The following EIF4A2 variants were observed in gnomAD, a reference collection of about 807,000 sequenced individuals.
EIF4A2 encodes eukaryotic initiation factor 4A-II.
EIF4A2 carries 9 observed loss-of-function variants against 50.6 expected under a neutral mutation model. That is an observed-to-expected ratio of 0.18 (90% confidence interval 0.11 to 0.31). The LOEUF is 0.31. Ranked by LOEUF, EIF4A2 falls within the 10% of genes least tolerant of loss-of-function variation. The probability of loss-of-function intolerance (pLI) is 1.00; values close to 1 mark genes in which losing one functional copy is unlikely to be tolerated. For synonymous variants in EIF4A2, 215 were observed against 164.4 expected (o/e 1.31, Z -2.35); for missense variants, 182 against 501.8 (o/e 0.36, Z 6.09).
chr3:186,783,649 C>T lies in EIF4A2; in HGVS notation c.29+10C>T, dbSNP rs775693704. ...CCGCGGATTATAACAGGTATGCAGT[C>T]TGTTGGCGGTCGCGGTCTGTAGTGA... On this transcript the variant is annotated intron_variant, in intron 1 of 10. Transcript: ENST00000323963. 25 of 1,613,966 alleles carry T rather than the reference C, an allele frequency of 1.5e-5. No homozygotes were observed. Among genetic ancestry groups the T allele is most frequent in the Non-Finnish European group, 2.0e-5 (24 of 1,180,016 alleles).
chr3:186,789,889 CACTTTAAAG>C (rs1722015184), exon 11 of EIF4A2: 1 of 873,980 alleles, frequency 1.1e-6, no homozygotes, highest in Non-Finnish European at 1.8e-6. Context: ...ATTGTATATT[CACTTTAAAG>C]GTGCTTTTGG....
chr3:186,787,380 A>G (rs1212639465), intron 8 of EIF4A2, 115 bp from the exon 9 acceptor site: 2 of 1,608,360 alleles, frequency 1.2e-6, no homozygotes, highest in South Asian at 1.1e-5. Flanking sequence ...TTTCTTAACT[A>G]TACCTGTCTG....
chr3:186,784,736 G>C, intron 3 of EIF4A2, 40 bp downstream of exon 3: 1 of 1,611,446 alleles, frequency 6.2e-7, no homozygotes, highest in African/African-American at 1.3e-5. Flanking sequence ...GTTCTACATA[G>C]ACATGAACCA....
At position 186,786,576 on chromosome 3, in the gene EIF4A2, A is replaced by C. The variant is rs1721725097; in HGVS notation, c.702A>C (p.Arg234=). The C allele has an allele frequency of 4.3e-6, 7 of 1,613,714 alleles. No homozygotes were observed. Among genetic ancestry groups the C allele is most frequent in the African/African-American group, 1.3e-5 (1 of 74,922 alleles). The change falls in exon 7 of 11, where the codon CGA becomes CGC. Residue 234 remains arginine, a synonymous_variant. Transcript: ENST00000323963. ...VTKKFMRDPI[R]ILVKKEELTL... ...AAAAATTCATGAGAGATCCAATTCGAATTCTGGTGAAAAAGGAAGAATTGA... is the reference window on the plus strand; with the variant it reads ...AAAAATTCATGAGAGATCCAATTCGCATTCTGGTGAAAAAGGAAGAATTGA...
rs368484409 is a variant in EIF4A2 at position 186,784,462 on chromosome 3, C to T, written c.60C>T (p.Pro20=). 3.1e-6 allele frequency: 5 copies of T among 1,614,150 alleles called. No individual in the cohort carries two copies. The highest frequency in any genetic ancestry group is 1.1e-5 in the South Asian group (1 of 91,088). ...ATGGCGGCCCAGAGGGAATGGACCCCGATGGTGTCATCGAGGTAAGAAACG... is the reference window on the plus strand; with the variant it reads ...ATGGCGGCCCAGAGGGAATGGACCCTGATGGTGTCATCGAGGTAAGAAACG... ...REHGGPEGMD[P]DGVIESNWNE... The change falls in exon 2 of 11, where the codon CCC becomes CCT. Residue 20 remains proline, a synonymous_variant. Coordinates refer to ENST00000323963, the MANE Select transcript of EIF4A2 (RefSeq NM_001967.4).
At chr3:186,785,558 C>A (rs909409484) in intron 4 of EIF4A2, 1 of 320,016 alleles carries the variant, frequency 3.1e-6, no homozygotes, top group Non-Finnish European at 5.8e-6. Context: ...GGAAAAAAAT[C>A]ATTTGCCCTA....
Position 186,789,361 on chromosome 3 carries a change from A to C in EIF4A2, c.*92A>C. The C allele has an allele frequency of 6.7e-7, 1 of 1,494,388 alleles. No homozygotes were observed. Among genetic ancestry groups the C allele is most frequent in the Non-Finnish European group, 9.0e-7 (1 of 1,114,576 alleles). The allele number at this position is 1,494,388 out of a possible 1,614,324, so 92.6% of individuals were successfully genotyped here. On this transcript the variant is annotated 3_prime_UTR_variant, in exon 11 of 11. Transcript: ENST00000323963. Reference sequence around the variant, plus strand: ...TGCTTCTTTCTTTGGGAATATTTGAATCTTGTCTCAATGCTCATAACGGAT... The same window carrying C: ...TGCTTCTTTCTTTGGGAATATTTGACTCTTGTCTCAATGCTCATAACGGAT...
chr3:186,787,785 C>T lies in EIF4A2; in HGVS notation c.1000-18C>T. The T allele has an allele frequency of 6.2e-7, 1 of 1,613,928 alleles. No individual in the cohort carries two copies. Among genetic ancestry groups the T allele is most frequent in the Non-Finnish European group, 8.5e-7 (1 of 1,179,920 alleles). Reference sequence around the variant, plus strand: ...AGTTTTTTTGAATCAATTTTTAAAACATGCCATTGTGTTTCAGGCTCGCGG... The same window carrying T: ...AGTTTTTTTGAATCAATTTTTAAAATATGCCATTGTGTTTCAGGCTCGCGG... On this transcript the variant is annotated intron_variant, in intron 9 of 10. Transcript: ENST00000323963.
intron 10 of EIF4A2, 151 bp from the exon 11 acceptor site, chr3:186,788,974 T>C (rs1721960606): frequency 1.8e-6 from 2 of 1,116,148 alleles, no homozygotes; most frequent in Non-Finnish European, 2.4e-6. Context: ...TTTTTTTCTC[T>C]AGATATGCAT....
intron 10 of EIF4A2, chr3:186,788,266 T>C: frequency 1.6e-6 from 2 of 1,283,346 alleles, no homozygotes; most frequent in East Asian, 5.4e-5. Context: ...AATTGAATTG[T>C]ACTTTGTTAT....
rs376922355 is a variant in EIF4A2 at position 186,786,059 on chromosome 3, T to C, written c.517+8T>C. 4 of 1,601,636 alleles carry C rather than the reference T, an allele frequency of 2.5e-6. No individual in the cohort carries two copies. Among genetic ancestry groups the C allele is most frequent in the Middle Eastern group, 1.7e-4 (1 of 6,048 alleles). On this transcript the variant is annotated splice_region_variant and intron_variant, in intron 5 of 10. Coordinates refer to ENST00000323963, the MANE Select transcript of EIF4A2 (RefSeq NM_001967.4). ...TAAACAGAAGATACCTTTGTAAGTA[T>C]TGTCTTTAAGAGAGTATTTTTTTTA...
chr3:186,788,082 C>A, intron 10 of EIF4A2, 200 bp downstream of exon 10: 1 of 719,124 alleles, frequency 1.4e-6, no homozygotes, highest in Non-Finnish European at 2.2e-6. Context: ...AGATTGTGGA[C>A]ATAGGGTTTT....
In EIF4A2 at chr3:186,789,880, T is replaced by A; in HGVS notation, c.*611T>A. 1.2e-6 allele frequency: 1 copy of A among 817,908 alleles called. No individual in the cohort carries two copies. Among genetic ancestry groups the A allele is most frequent in the Non-Finnish European group, 2.0e-6 (1 of 510,376 alleles). The allele number at this position is 817,908 out of a possible 1,614,324, so 50.7% of individuals were successfully genotyped here. A position where few individuals can be genotyped will look rare whatever the true frequency, so the allele number is the denominator to read the frequency against. ...TAATGAAGTTTGAATGTTAAATAAA[T>A]TGTATATTCACTTTAAAGGTGCTTT... On this transcript the variant is annotated 3_prime_UTR_variant, in exon 11 of 11. Transcript: ENST00000323963.
chr3:186,784,638 T>C lies in EIF4A2; in HGVS notation c.150T>C (p.Ala50=), dbSNP rs558469535. ...LKESLLRGIY[A]YGFEKPSAIQ... The stretch of plus-strand genomic sequence containing the variant: ...AGTCTCTCCTTCGTGGCATCTATGC[T>C]TACGGTTTTGAGAAGCCTTCCGCTA... The change falls in exon 3 of 11, where the codon GCT becomes GCC. Residue 50 remains alanine (A), a synonymous_variant. Coordinates refer to ENST00000323963, the MANE Select transcript of EIF4A2 (RefSeq NM_001967.4). The C allele has an allele frequency of 1.4e-5, 23 of 1,614,276 alleles. No individual in the cohort carries two copies. The African/African-American group carries it at 3.1e-4, about 22-fold the overall frequency.
chr3:186,785,703 G>A (rs1721662004), intron 4 of EIF4A2, 180 bp from the exon 5 acceptor site: 2 of 681,592 alleles, frequency 2.9e-6, no homozygotes, highest in Admixed American at 6.2e-5. Context: ...GCATAAGAAA[G>A]ACATTAAGGG....
intron 1 of EIF4A2, chr3:186,783,938 G>T: frequency 2.0e-6 from 1 of 499,730 alleles, no homozygotes; most frequent in African/African-American, 1.9e-5. Context: ...CCGTGGCGCA[G>T]TCCGAGTTCG....
chr3:186,786,971 G>A, intron 7 of EIF4A2, 156 bp from the exon 8 acceptor site: 1 of 1,178,878 alleles, frequency 8.5e-7, no homozygotes, highest in Non-Finnish European at 1.2e-6. Context: ...TCACTTTCTT[G>A]AAACCCTGGT....
Position 186,786,645 on chromosome 3 carries a change from G to C in EIF4A2, c.771G>C (p.Glu257Asp). Residue 257 changes from glutamate to aspartate, a missense_variant and splice_region_variant, in exon 7 of 11, where the codon GAG (glutamate) becomes GAC (aspartate). Around this residue, in one of 7 missense-constraint regions of EIF4A2, gnomAD observed 113 missense variants for 357.3 expected, o/e 0.32. Coordinates refer to ENST00000323963, the MANE Select transcript of EIF4A2 (RefSeq NM_001967.4). The part of the protein sequence containing the change: ...IKQFYINVER[E>D]EWKLDTLCDL... ...AGTTTTATATTAATGTTGAGAGAGAGGTAACTGTCTGATTGTTAGACATTA... is the reference window on the plus strand; with the variant it reads ...AGTTTTATATTAATGTTGAGAGAGACGTAACTGTCTGATTGTTAGACATTA... 1 of 1,613,854 alleles carries C rather than the reference G, an allele frequency of 6.2e-7. No individual in the cohort carries two copies. The highest frequency in any genetic ancestry group is 8.5e-7 in the Non-Finnish European group (1 of 1,179,848).
chr3:186,787,838 T>C lies in EIF4A2; in HGVS notation c.1035T>C (p.Val345=), dbSNP rs773243324. Residue 345 remains valine (V), a synonymous_variant, in exon 10 of 11, where the codon GTT becomes GTC. Coordinates refer to ENST00000323963, the MANE Select transcript of EIF4A2 (RefSeq NM_001967.4). ...TTGATGTGCAACAAGTGTCTTTGGT[T>C]ATAAATTATGATCTACCTACCAATC... is the stretch of plus-strand genomic sequence containing the variant. ...RGIDVQQVSL[V]INYDLPTNRE... 4.3e-6 allele frequency: 7 copies of C among 1,613,844 alleles called. No individual in the cohort carries two copies. In the East Asian group the frequency reaches 1.6e-4, roughly 36 times the overall value.
Sources: allele counts gnomAD v4.1 joint callset, GRCh38; gene constraint gnomAD v4.1.1; regional missense constraint gnomAD v4.1.1; transcripts MANE v1.5; gene names NCBI Gene and HGNC (gene_info 2026-07-23, HGNC 2026-07-21).